The following EFCAB13 variants were observed in gnomAD, a reference collection of about 807,000 sequenced individuals.
EFCAB13 encodes EF-hand calcium-binding domain-containing protein 13.
In EFCAB13, 91 loss-of-function variants were observed where a neutral mutation model predicts 110.2. That is an observed-to-expected ratio of 0.83 (90% CI 0.70 to 0.98). The LOEUF is 0.98. Ranked by LOEUF, EFCAB13 falls within the 50% of genes least tolerant of loss-of-function variation. EFCAB13 has a pLI of 0.00. For missense variants in EFCAB13, 968 were observed against 1,119.4 expected (o/e 0.86, Z 1.93); for synonymous variants, 323 against 369.9 (o/e 0.87, Z 1.45).
At chr17:47,363,090 G>A (rs2065525613) in intron 10 of EFCAB13, among the ~76,000 whole-genome samples, 1 of 152,080 alleles carries the variant, frequency 6.6e-6, no homozygotes, top group African/African-American at 2.4e-5. Context: ...ATTATTTTTA[G>A]AGACAGTGTC....
intron 24 of EFCAB13, among the ~76,000 whole-genome samples, chr17:47,436,803 T>C (rs1032327475): frequency 6.6e-6 from 1 of 151,988 alleles, no homozygotes; most frequent in African/African-American, 2.4e-5. Context: ...TCCTTTCTTC[T>C]GCTGGGTTTG....
intron 21 of EFCAB13, among the ~76,000 whole-genome samples, chr17:47,412,355 T>G (rs184818738): frequency 3.9e-5 from 6 of 152,290 alleles, no homozygotes; most frequent in African/African-American, 1.4e-4. Flanking sequence ...AGGAGGTGCC[T>G]TTTCCCAATT....
chr17:47,358,087 T>C (rs1313433116), intron 9 of EFCAB13, among the ~76,000 whole-genome samples: 4 of 152,200 alleles, frequency 2.6e-5, no homozygotes, highest in Non-Finnish European at 5.9e-5. Flanking sequence ...TAATAAAATA[T>C]CCAAGCAATA....
At position 47,340,766 on chromosome 17, in the gene EFCAB13, A is replaced by ATTT. The variant is rs58304526; in HGVS notation, c.192-1128_192-1126dup. 1.7e-3 allele frequency among the ~76,000 whole-genome samples: 91 copies of ATTT among 54,016 alleles called. 5 individuals are homozygous for ATTT. Among genetic ancestry groups the ATTT allele is most frequent in the Non-Finnish European group, 1.8e-3 (55 of 30,608 alleles). The allele number at this position is 54,016 out of a possible 152,430, so 35.4% of individuals were successfully genotyped here. On this transcript the variant is annotated intron_variant, in intron 5 of 24. Coordinates refer to ENST00000331493, the MANE Select transcript of EFCAB13 (RefSeq NM_152347.5). ...AGGCGTGCACCACCACACCTGGCTA[A>ATTT]TTTTTTTTTTTTTTTTTTTTTTTTT...
intron 5 of EFCAB13, among the ~76,000 whole-genome samples, chr17:47,336,129 G>T (rs906288977): frequency 2.8e-5 from 4 of 143,498 alleles, no homozygotes; most frequent in African/African-American, 1.0e-4. Context: ...TATTTGAATA[G>T]TTTTTTTTTT....
intron 20 of EFCAB13, among the ~76,000 whole-genome samples, chr17:47,408,704 C>G (rs973387217): frequency 1.3e-5 from 2 of 152,024 alleles, no homozygotes; most frequent in Non-Finnish European, 2.9e-5. Flanking sequence ...CCCATTGCCC[C>G]CCACCTCACA....
intron 4 of EFCAB13, among the ~76,000 whole-genome samples, chr17:47,334,640 G>A (rs553879824): frequency 6.6e-6 from 1 of 152,218 alleles, no homozygotes; most frequent in African/African-American, 2.4e-5. Flanking sequence ...TCCAGGCTGG[G>A]AGAGGTAGCT....
At chr17:47,375,587 C>T (rs897252363) in intron 12 of EFCAB13, among the ~76,000 whole-genome samples, 3 of 152,174 alleles carry the variant, frequency 2.0e-5, no homozygotes, top group South Asian at 2.1e-4. Context: ...TGAGCCACCA[C>T]GTCCGGCCTG....
chr17:47,400,291 C>T (rs1001031801), intron 17 of EFCAB13, among the ~76,000 whole-genome samples: 4 of 152,134 alleles, frequency 2.6e-5, no homozygotes, highest in Admixed American at 2.6e-4. Context: ...TGTGATTAAT[C>T]CTGTTTTGGT....
rs777824600 is a variant in EFCAB13 at position 47,342,006 on chromosome 17, G to T, written c.277G>T (p.Val93Leu). The T allele has an allele frequency of 2.5e-6, 4 of 1,595,770 alleles. No individual in the cohort carries two copies. Among genetic ancestry groups the T allele is most frequent in the Non-Finnish European group, 3.4e-6 (4 of 1,171,280 alleles). ...AAAAGTTGGGAGAAAGAGTTTACAA[G>T]TACAACAGCACAGTAAAAGAACTGA... ...EKKVGRKSLQ[V>L]QQHSKRTEII... The change falls in exon 6 of 25, where the codon GTA becomes TTA. Residue 93 changes from valine (V) to leucine (L), a missense_variant. Transcript: ENST00000331493.
At chr17:47,432,262 G>C (rs1037857475) in intron 24 of EFCAB13, among the ~76,000 whole-genome samples, 1 of 152,058 alleles carries the variant, frequency 6.6e-6, no homozygotes, top group Non-Finnish European at 1.5e-5. Context: ...GCCAGGCGTG[G>C]TGGCGGGCGC....
chr17:47,405,791 G>A (rs1383569243), intron 20 of EFCAB13, among the ~76,000 whole-genome samples: 1 of 151,296 alleles, frequency 6.6e-6, no homozygotes, highest in Non-Finnish European at 1.5e-5. Context: ...TTTATCTTTA[G>A]CGTTTCTATT....
At chr17:47,350,172 G>T (rs1173459343) in intron 9 of EFCAB13, among the ~76,000 whole-genome samples, 1 of 152,128 alleles carries the variant, frequency 6.6e-6, no homozygotes, top group Non-Finnish European at 1.5e-5. Context: ...GTTGGGAGGG[G>T]TGGTATTTTA....
intron 14 of EFCAB13, among the ~76,000 whole-genome samples, chr17:47,387,483 C>G (rs190080617): frequency 6.6e-6 from 1 of 152,148 alleles, no homozygotes; most frequent in African/African-American, 2.4e-5. Context: ...ATATTTGGGT[C>G]CTCTGTTGTT....
chr17:47,430,054 C>A lies in EFCAB13; in HGVS notation c.2638+93C>A, dbSNP rs1905081716. The A allele has an allele frequency of 3.7e-5, 52 of 1,410,822 alleles. No individual in the cohort carries two copies. The South Asian group carries it at 8.5e-4, about 23-fold the overall frequency. The allele number at this position is 1,410,822 out of a possible 1,614,324, so 87.4% of individuals were successfully genotyped here. A position where few individuals can be genotyped will look rare whatever the true frequency, so the allele number is the denominator to read the frequency against. On this transcript the variant is annotated intron_variant, in intron 24 of 24. Transcript: ENST00000331493. ...TAGGACATGCAGGGATGGAGGGTATCCTGTGGAAGCTGAGGTGGGATGACT... is the reference window on the plus strand; with the variant it reads ...TAGGACATGCAGGGATGGAGGGTATACTGTGGAAGCTGAGGTGGGATGACT...
At chr17:47,411,935 T>C (rs1754182983) in intron 21 of EFCAB13, among the ~76,000 whole-genome samples, 2 of 152,060 alleles carry the variant, frequency 1.3e-5, no homozygotes, top group Non-Finnish European at 2.9e-5. Flanking sequence ...CTACTAAAAA[T>C]ATTTAAAAAA....
At chr17:47,439,180 T>TG (rs1905268667) in intron 24 of EFCAB13, among the ~76,000 whole-genome samples, 1 of 127,606 alleles carries the variant, frequency 7.8e-6, no homozygotes, top group Non-Finnish European at 1.7e-5. Context: ...TGTTTTTTTT[T>TG]TTTTTTTTTT....
chr17:47,411,730 T>C (rs1188489047), intron 21 of EFCAB13, among the ~76,000 whole-genome samples: 1 of 152,188 alleles, frequency 6.6e-6, no homozygotes, highest in East Asian at 1.9e-4. Context: ...TGCAACAATT[T>C]TCAGCATATG....
chr17:47,368,261 G>A (rs1389704266), intron 10 of EFCAB13, among the ~76,000 whole-genome samples: 1 of 152,200 alleles, frequency 6.6e-6, no homozygotes, highest in Non-Finnish European at 1.5e-5. Flanking sequence ...GAGAATGGTG[G>A]TCTTTGTCAG....
Sources: allele counts gnomAD v4.1 joint callset (sites outside exome capture counted in the v4.1 genomes callset), GRCh38; gene constraint gnomAD v4.1.1; transcripts MANE v1.5; gene names NCBI Gene and HGNC (gene_info 2026-07-23, HGNC 2026-07-21).